DNAH14: variants seen among roughly 807,000 people sequenced by gnomAD.
The protein encoded by DNAH14 is dynein axonemal heavy chain 14, also known as axonemal beta dynein heavy chain 14.
A neutral mutation model predicts 520.9 loss-of-function variants in DNAH14; 478 were observed. The ratio of observed to expected loss-of-function variants is 0.92; its 90% CI spans 0.85 to 0.99. DNAH14 has a LOEUF of 0.99. Among genes scored for constraint, DNAH14 ranks in the 50% least tolerant of loss-of-function variants. DNAH14 has a pLI of 0.00. For missense variants in DNAH14, 4,831 were observed against 5,234.5 expected (o/e 0.92, Z 2.38); for synonymous variants, 1,581 against 1,757.2 (o/e 0.90, Z 2.51).
chr1:225,260,987 G>A (rs1202653344), intron 46 of DNAH14, among the ~76,000 whole-genome samples: 1 of 152,110 alleles, frequency 6.6e-6, no homozygotes, highest in Non-Finnish European at 1.5e-5. Flanking sequence ...TGTATGTTGA[G>A]TTTGTATATC....
intron 42 of DNAH14, among the ~76,000 whole-genome samples, chr1:225,237,636 G>C (rs1444845024): frequency 6.6e-6 from 1 of 152,104 alleles, no homozygotes; most frequent in Non-Finnish European, 1.5e-5. Context: ...TGCATTTCCT[G>C]AATTTGAAGG....
chr1:225,176,518 A>G lies in DNAH14; in HGVS notation c.5535+8490A>G, dbSNP rs141207164. 7.4e-3 allele frequency among the ~76,000 whole-genome samples: 1,032 copies of G among 139,018 alleles called. 22 individuals are homozygous for G. The highest frequency in any genetic ancestry group is 6.3e-3 in the Non-Finnish European group (398 of 63,282). 91.2% of individuals were successfully genotyped at this position (139,018 alleles called of 152,430 possible). A position where few individuals can be genotyped will look rare whatever the true frequency, so the allele number is the denominator to read the frequency against. On this transcript the variant is annotated intron_variant, in intron 36 of 85. Transcript: ENST00000682510. Reference sequence around the variant, plus strand: ...TATTTTCTGTCTATATGAGTTATCCATTGATGACAGTAGGGTGTTGAAATT... The same window carrying G: ...TATTTTCTGTCTATATGAGTTATCCGTTGATGACAGTAGGGTGTTGAAATT...
At chr1:225,383,594 C>A (rs888434426) in intron 81 of DNAH14, among the ~76,000 whole-genome samples, 2 of 152,122 alleles carry the variant, frequency 1.3e-5, no homozygotes, top group African/African-American at 2.4e-5. Context: ...GTAGAAATGT[C>A]CGGCTTGGAC....
At chr1:225,300,815 GGTA>G (rs771970003) in intron 55 of DNAH14, 51 bp from the exon 56 acceptor site, 52 of 1,508,498 alleles carry the variant, frequency 3.4e-5, no homozygotes, top group Non-Finnish European at 4.3e-5. Flanking sequence ...ATGTGGTTAG[GGTA>G]GAATATATGA....
chr1:224,994,653 A>C (rs935378618), intron 8 of DNAH14, among the ~76,000 whole-genome samples: 2 of 152,094 alleles, frequency 1.3e-5, no homozygotes, highest in Non-Finnish European at 2.9e-5. Context: ...TGAAGAATTT[A>C]ATCCATTTAT....
At position 225,388,881 on chromosome 1, in the gene DNAH14, A is replaced by G. The variant is rs1575154878; in HGVS notation, c.13190+390A>G. ...AACCTCCACCTTCTGGGTTCAAGCA[A>G]TTCTCCTGCCTCAGGGATTATGGGC... is the stretch of plus-strand genomic sequence containing the variant. On this transcript the variant is annotated intron_variant, in intron 82 of 85. Transcript: ENST00000682510. 2.0e-5 allele frequency among the ~76,000 whole-genome samples: 3 copies of G among 152,072 alleles called. No homozygotes were observed. The East Asian group carries it at 5.8e-4, about 29-fold the overall frequency.
chr1:225,079,672 CTT>C (rs58242386), intron 18 of DNAH14, 124 bp downstream of exon 18: 2,504 of 323,634 alleles, frequency 7.7e-3, no homozygotes, highest in Admixed American at 0.019. Context: ...TACAAGTATT[CTT>C]TTTTTTTTTT....
At chr1:225,322,139 G>A (rs1459586860) in intron 61 of DNAH14, among the ~76,000 whole-genome samples, 5 of 128,264 alleles carry the variant, frequency 3.9e-5, no homozygotes, top group Non-Finnish European at 7.8e-5. Flanking sequence ...CGCCCAGGCT[G>A]GAGAACAGTG....
intron 44 of DNAH14, 58 bp downstream of exon 44, chr1:225,252,475 C>T: frequency 1.1e-6 from 1 of 937,276 alleles, no homozygotes; most frequent in Non-Finnish European, 1.6e-6. Flanking sequence ...ATACTCTATT[C>T]ATAAAAGTAA....
rs373709305 is a variant in DNAH14 at position 224,960,232 on chromosome 1, G to T, written c.297G>T (p.Arg99Ser). The T allele has an allele frequency of 1.2e-5, 19 of 1,611,022 alleles. No individual in the cohort carries two copies. The highest frequency in any genetic ancestry group is 5.0e-5 in the Admixed American group (3 of 59,436). ...CCCTTAAGGAGAAAGGGAAGTCAAGGAGAAAAAAGGATCAAACTCATGCTT... is the reference window on the plus strand; with the variant it reads ...CCCTTAAGGAGAAAGGGAAGTCAAGTAGAAAAAAGGATCAAACTCATGCTT... ...PASLKEKGKS[R>S]RKKDQTHACP... The change falls in exon 4 of 86, where the codon AGG becomes AGT. Residue 99 changes from arginine to serine, a missense_variant. Physicochemically the swap from Arg to Ser is moderately radical, Grantham distance 110. Coordinates refer to ENST00000682510, the MANE Select transcript of DNAH14 (RefSeq NM_001367479.1).
intron 17 of DNAH14, among the ~76,000 whole-genome samples, chr1:225,074,085 C>T (rs1477523498): frequency 7.4e-5 from 11 of 148,714 alleles, no homozygotes; most frequent in South Asian, 4.3e-4. Flanking sequence ...CTGCAAGCTC[C>T]GCCTCCCGGG....
chr1:225,312,400 T>G (rs1428632758), intron 60 of DNAH14, among the ~76,000 whole-genome samples: 4 of 152,118 alleles, frequency 2.6e-5, no homozygotes, highest in Non-Finnish European at 5.9e-5. Flanking sequence ...ACAGAGACAA[T>G]TTGACTCCCT....
At chr1:225,280,665 A>G (rs2093608339) in intron 54 of DNAH14, among the ~76,000 whole-genome samples, 1 of 152,088 alleles carries the variant, frequency 6.6e-6, no homozygotes, top group African/African-American at 2.4e-5. Flanking sequence ...GAGTAAGCAC[A>G]AGTAGATTAA....
At chr1:225,073,933 G>A (rs1012893315) in intron 17 of DNAH14, among the ~76,000 whole-genome samples, 12 of 150,394 alleles carry the variant, frequency 8.0e-5, no homozygotes, top group African/African-American at 2.9e-4. Flanking sequence ...CACCTGCCTC[G>A]GCCTCCCAAA....
At chr1:225,058,534 T>C (rs12760268) in intron 17 of DNAH14, among the ~76,000 whole-genome samples, 1 of 152,068 alleles carries the variant, frequency 6.6e-6, no homozygotes. Context: ...ATGTCCTTCA[T>C]TTCTGCTCTG....
chr1:225,187,534 G>T (rs2084905862), intron 37 of DNAH14, among the ~76,000 whole-genome samples: 1 of 151,808 alleles, frequency 6.6e-6, no homozygotes, highest in Admixed American at 6.6e-5. Context: ...GGGTCATATG[G>T]TAATTCTGTG....
chr1:225,059,110 A>G (rs111438522), intron 17 of DNAH14, among the ~76,000 whole-genome samples: 8,774 of 152,156 alleles, frequency 0.058, 350 homozygotes, highest in Non-Finnish European at 0.078. Context: ...TGATGTGTCT[A>G]ATGTTGACAG....
intron 68 of DNAH14, among the ~76,000 whole-genome samples, chr1:225,338,448 A>G (rs1395273581): frequency 1.3e-5 from 2 of 152,154 alleles, no homozygotes; most frequent in Non-Finnish European, 2.9e-5. Flanking sequence ...TTCAGAAGCT[A>G]TGCAGAGGGG....
Position 225,272,008 on chromosome 1 carries a change from C to T in DNAH14, c.7774C>T (p.Arg2592Cys), listed in dbSNP as rs1164921046. 1.2e-5 allele frequency: 19 copies of T among 1,550,538 alleles called. No individual in the cohort carries two copies. The East Asian group carries it at 2.5e-4, about 20-fold the overall frequency. ...TTCCCTAGCTATATACCATCAAGTA[C>T]GTCAGAATATGTTACCAACTCCAAC... ...SCSLAIYHQVRQNMLPTPTKC... is the reference protein window; with the variant it reads ...SCSLAIYHQVCQNMLPTPTKC... The change falls in exon 51 of 86, where the codon CGT (arginine) becomes TGT (cysteine). Residue 2592 changes from arginine (R) to cysteine (C), a missense_variant. Transcript: ENST00000682510.
Sources: allele counts gnomAD v4.1 joint callset (sites outside exome capture counted in the v4.1 genomes callset), GRCh38; gene constraint gnomAD v4.1.1; transcripts MANE v1.5; gene names NCBI Gene and HGNC (gene_info 2026-07-23, HGNC 2026-07-21).